The following AZIN1 variants were observed in gnomAD, a reference collection of about 807,000 sequenced individuals.
AZIN1 encodes antizyme inhibitor 1.
In AZIN1, 12 loss-of-function variants were observed where a neutral mutation model predicts 47.4. That is an observed-to-expected ratio of 0.25 (90% confidence interval 0.16 to 0.41). The LOEUF is 0.41. AZIN1 is among the 10% of genes least tolerant of loss of function. The pLI, the probability that AZIN1 is intolerant of heterozygous loss-of-function variation, is 1.00. For missense variants in AZIN1, 410 were observed against 532.4 expected, an observed-to-expected ratio of 0.77 and a Z score of 2.26; for synonymous variants, 155 against 176.3, an observed-to-expected ratio of 0.88 and a Z score of 0.96.
intron 5 of AZIN1, among the ~76,000 whole-genome samples, chr8:102,837,994 C>T (rs1293639410): frequency 3.3e-5 from 5 of 152,132 alleles, no homozygotes; most frequent in Non-Finnish European, 7.4e-5. Context: ...AGTGCAGTGG[C>T]TCGATCTTGG....
chr8:102,830,190 A>T, intron 9 of AZIN1: 1 of 275,434 alleles, frequency 3.6e-6, no homozygotes, highest in Non-Finnish European at 6.8e-6. Context: ...GTTCAAGATC[A>T]GCCTGAACAA....
intron 9 of AZIN1, among the ~76,000 whole-genome samples, chr8:102,832,620 C>T (rs2513935): frequency 0.45 from 68,470 of 151,736 alleles, 15,688 homozygotes; most frequent in Admixed American, 0.5. Flanking sequence ...GGAAGTCTTA[C>T]GGAATGGGAC....
At position 102,833,002 on chromosome 8, in the gene AZIN1, G is replaced by A. The variant is rs1187772647; in HGVS notation, c.904+54C>T. 5 of 1,469,750 alleles carry A rather than the reference G, an allele frequency of 3.4e-6. No homozygotes were observed. The Admixed American group carries it at 8.9e-5, about 26-fold the overall frequency. The allele number at this position is 1,469,750 out of a possible 1,614,324, so 91.0% of individuals were successfully genotyped here. A position where few individuals can be genotyped will look rare whatever the true frequency, so the allele number is the denominator to read the frequency against. On this transcript the variant is annotated intron_variant, in intron 9 of 11. Transcript: ENST00000337198. The stretch of plus-strand genomic sequence containing the variant: ...CTTCATGACCATCTGCTCATTTCCA[G>A]ACTAACTGCAATTATCTACCAACAA...
chr8:102,852,255 C>T (rs1311245513), intron 2 of AZIN1, among the ~76,000 whole-genome samples: 1 of 152,116 alleles, frequency 6.6e-6, no homozygotes, highest in Non-Finnish European at 1.5e-5. Flanking sequence ...GAGCAAGAAG[C>T]AGATAAAAAG....
intron 2 of AZIN1, among the ~76,000 whole-genome samples, chr8:102,851,787 T>C (rs1220486641): frequency 6.6e-6 from 1 of 152,218 alleles, no homozygotes; most frequent in Non-Finnish European, 1.5e-5. Context: ...TCTCTAATCA[T>C]CATTCCTTTG....
At chr8:102,848,903 C>G (rs1812752424) in intron 2 of AZIN1, among the ~76,000 whole-genome samples, 1 of 152,120 alleles carries the variant, frequency 6.6e-6, no homozygotes, top group Non-Finnish European at 1.5e-5. Context: ...AACCAAAAGT[C>G]TTAAGACACA....
chr8:102,862,424 C>CACTG (rs934680218), intron 1 of AZIN1, among the ~76,000 whole-genome samples: 2 of 152,146 alleles, frequency 1.3e-5, no homozygotes, highest in Non-Finnish European at 2.9e-5. Flanking sequence ...GGGAGAAAGG[C>CACTG]ACTGACTACT....
At position 102,827,077 on chromosome 8, in the gene AZIN1, C is replaced by T. The variant is rs1811157049; in HGVS notation, c.*1490G>A. 1 of 152,612 alleles carries T rather than the reference C, an allele frequency of 6.6e-6. No individual in the cohort carries two copies. The highest frequency in any genetic ancestry group is 1.5e-5 in the Non-Finnish European group (1 of 68,026). The allele number at this position is 152,612 out of a possible 1,614,324, so 9.5% of individuals were successfully genotyped here. ...CTCGAAATCAAGGTGTAAAAACCAGCTATTAAGTGCATTCCAAACTTCTCC... is the reference window on the plus strand; with the variant it reads ...CTCGAAATCAAGGTGTAAAAACCAGTTATTAAGTGCATTCCAAACTTCTCC... On this transcript the variant is annotated 3_prime_UTR_variant, in exon 12 of 12. Transcript: ENST00000337198.
At chr8:102,838,119 TC>T (rs371350279) in intron 5 of AZIN1, among the ~76,000 whole-genome samples, 7 of 151,796 alleles carry the variant, frequency 4.6e-5, no homozygotes, top group African/African-American at 1.7e-4. Context: ...AGCCTCAGTC[TC>T]CTAAAGTGCT....
chr8:102,829,718 T>C (rs1223055938), intron 10 of AZIN1, 103 bp downstream of exon 10: 2 of 948,562 alleles, frequency 2.1e-6, no homozygotes, highest in African/African-American at 1.7e-5. Context: ...AGGACATTTT[T>C]CCCCATTCTA....
chr8:102,841,190 T>C (rs927469518), intron 3 of AZIN1, among the ~76,000 whole-genome samples: 9 of 152,152 alleles, frequency 5.9e-5, no homozygotes, highest in Non-Finnish European at 1.0e-4. Flanking sequence ...TATAATGACA[T>C]GTGCAAAGAC....
chr8:102,836,226 C>T (rs771772743), intron 6 of AZIN1, 30 bp downstream of exon 6: 10 of 1,598,640 alleles, frequency 6.3e-6, no homozygotes, highest in South Asian at 1.1e-5. Flanking sequence ...AAAATGTTCA[C>T]AGCTTTAAAA....
At chr8:102,862,545 G>A (rs1315129417) in intron 1 of AZIN1, among the ~76,000 whole-genome samples, 1 of 152,126 alleles carries the variant, frequency 6.6e-6, no homozygotes, top group African/African-American at 2.4e-5. Context: ...ATATGTAAAA[G>A]AAATTAATGA....
At chr8:102,839,915 A>G in intron 3 of AZIN1, 92 bp from the exon 4 acceptor site, 4 of 856,772 alleles carry the variant, frequency 4.7e-6, no homozygotes, top group Non-Finnish European at 7.1e-6. Flanking sequence ...TTTCCTCCAC[A>G]AATATATGGG....
At chr8:102,831,192 A>T (rs140832219) in intron 9 of AZIN1, among the ~76,000 whole-genome samples, 2 of 152,318 alleles carry the variant, frequency 1.3e-5, no homozygotes, top group Admixed American at 1.3e-4. Context: ...AGACATGTCA[A>T]GGGAAAAATA....
chr8:102,857,328 TA>T (rs891489329), intron 2 of AZIN1, among the ~76,000 whole-genome samples: 109 of 152,110 alleles, frequency 7.2e-4, no homozygotes, highest in Non-Finnish European at 4.0e-4. Context: ...TGACCAAACT[TA>T]AAAACACTTA....
intron 2 of AZIN1, among the ~76,000 whole-genome samples, chr8:102,846,080 C>T (rs2679748): frequency 0.46 from 70,207 of 151,936 alleles, 16,336 homozygotes; most frequent in Admixed American, 0.5. Context: ...GTATTTAGTA[C>T]TTAGTTGAAA....
chr8:102,834,521 G>A (rs1483379892), intron 7 of AZIN1, 145 bp downstream of exon 7: 1 of 668,796 alleles, frequency 1.5e-6, no homozygotes, highest in African/African-American at 1.8e-5. Flanking sequence ...ACTGTACAGA[G>A]CTCTGAATGC....
At position 102,832,621 on chromosome 8, in the gene AZIN1, G is replaced by C. The variant is rs535435485; in HGVS notation, c.904+435C>G. ...AGAAAGTTGGATTTGGAAGTCTTACGGAATGGGACCTTGGCTTTAAGATTT... is the reference window on the plus strand; with the variant it reads ...AGAAAGTTGGATTTGGAAGTCTTACCGAATGGGACCTTGGCTTTAAGATTT... On this transcript the variant is annotated intron_variant, in intron 9 of 11. Coordinates refer to ENST00000337198, the MANE Select transcript of AZIN1 (RefSeq NM_148174.4). 2.6e-5 allele frequency among the ~76,000 whole-genome samples: 4 copies of C among 152,024 alleles called. No homozygotes were observed. In the South Asian group the frequency reaches 8.3e-4, roughly 32 times the overall value.
Sources: allele counts gnomAD v4.1 joint callset (sites outside exome capture counted in the v4.1 genomes callset), GRCh38; gene constraint gnomAD v4.1.1; transcripts MANE v1.5; gene names NCBI Gene and HGNC (gene_info 2026-07-23, HGNC 2026-07-21).